The following SRGAP2 variants were observed in gnomAD, a reference collection of about 807,000 sequenced individuals.
The protein encoded by SRGAP2 is SLIT-ROBO Rho GTPase activating protein 2, also known as SLIT-ROBO Rho GTPase-activating protein 2.
A neutral mutation model predicts 57.2 loss-of-function variants in SRGAP2; 15 were observed. The observed-to-expected ratio is 0.26, with a 90% CI of 0.18 to 0.40. The LOEUF (loss-of-function observed/expected upper bound fraction) is 0.40, where lower values mean the gene tolerates loss of function less well. Among genes scored for constraint, SRGAP2 ranks in the 10% least tolerant of loss-of-function variants. SRGAP2 has a pLI of 1.00. For synonymous variants in SRGAP2, 249 were observed against 248.0 expected (o/e 1.00, Z -0.04); for missense variants, 520 against 669.6 (o/e 0.78, Z 2.47).
chr1:206,335,930 T>A (rs1674741337), intron 3 of SRGAP2, among the ~76,000 whole-genome samples: 1 of 152,174 alleles, frequency 6.6e-6, no homozygotes, highest in Admixed American at 6.5e-5. Context: ...TAGCTTAAAT[T>A]TGGGGACCAT....
At position 206,289,300 on chromosome 1, in the gene SRGAP2, T is replaced by C. The variant is rs1671181220; in HGVS notation, c.68-13981T>C. Among the ~76,000 whole-genome samples the C allele has an allele frequency of 2.9e-5, 4 of 138,108 alleles. No individual in the cohort carries two copies. The South Asian group carries it at 6.7e-4, about 23-fold the overall frequency. The allele number at this position is 138,108 out of a possible 152,430, so 90.6% of individuals were successfully genotyped here. ...TTTTTTTTTTTTTTTTGAGACGGAG[T>C]CTCGCTCTGTCGCCCAGGCTGGAGT... On this transcript the variant is annotated intron_variant, in intron 2 of 22. Coordinates refer to ENST00000573034, the MANE Select transcript of SRGAP2 (RefSeq NM_015326.5).
intron 2 of SRGAP2, among the ~76,000 whole-genome samples, chr1:206,240,998 A>G (rs1296957955): frequency 6.6e-6 from 1 of 152,190 alleles, no homozygotes; most frequent in African/African-American, 2.4e-5. Context: ...AGCCTGGGCA[A>G]CATAAGGAGA....
At chr1:206,450,265 T>G in intron 18 of SRGAP2, 121 bp from the exon 19 acceptor site, 2 of 637,086 alleles carry the variant, frequency 3.1e-6, no homozygotes, top group Non-Finnish European at 5.8e-6. Context: ...TTGTGTGCAG[T>G]TAGGATATAG....
At chr1:206,398,509 A>G (rs1553354423) in intron 7 of SRGAP2, among the ~76,000 whole-genome samples, 1 of 152,134 alleles carries the variant, frequency 6.6e-6, no homozygotes, top group East Asian at 1.9e-4. Flanking sequence ...CCCTTTGGCC[A>G]TAGAGTAAGC....
At chr1:206,421,515 A>G (rs994921908) in intron 13 of SRGAP2, among the ~76,000 whole-genome samples, 2 of 152,188 alleles carry the variant, frequency 1.3e-5, no homozygotes, top group African/African-American at 4.8e-5. Flanking sequence ...CTTGCATACT[A>G]GGGGTTTGGT....
At chr1:206,300,346 TG>T (rs1671810458) in intron 2 of SRGAP2, among the ~76,000 whole-genome samples, 1 of 80,744 alleles carries the variant, frequency 1.2e-5, no homozygotes, top group Non-Finnish European at 2.1e-5. Flanking sequence ...TCCAAACTGG[TG>T]TTCTATTTCT....
intron 2 of SRGAP2, among the ~76,000 whole-genome samples, chr1:206,296,584 C>G (rs1671608624): frequency 2.0e-5 from 3 of 152,040 alleles, no homozygotes; most frequent in Non-Finnish European, 4.4e-5. Context: ...CATGCACCAC[C>G]ACCCCCAGCT....
intron 2 of SRGAP2, among the ~76,000 whole-genome samples, chr1:206,248,699 T>A (rs1190249491): frequency 6.6e-6 from 1 of 152,058 alleles, no homozygotes; most frequent in East Asian, 1.9e-4. Context: ...TTTAGTACCG[T>A]TTAGCTTTAT....
chr1:206,360,000 G>C (rs1358884444), intron 4 of SRGAP2, among the ~76,000 whole-genome samples: 2 of 150,884 alleles, frequency 1.3e-5, no homozygotes, highest in African/African-American at 4.9e-5. Flanking sequence ...TAGAGACGGG[G>C]TTTCACCGTT....
At chr1:206,306,948 C>T (rs1450892437) in intron 3 of SRGAP2, among the ~76,000 whole-genome samples, 333 of 151,232 alleles carry the variant, frequency 2.2e-3, no homozygotes, top group African/African-American at 7.3e-3. Context: ...TACAGAGTGT[C>T]GATTGGTGCA....
intron 3 of SRGAP2, among the ~76,000 whole-genome samples, chr1:206,304,511 T>A (rs1672075357): frequency 6.6e-6 from 1 of 151,408 alleles, no homozygotes; most frequent in Non-Finnish European, 1.5e-5. Context: ...TAAAAAAAAT[T>A]GCAAAAAAAC....
intron 3 of SRGAP2, among the ~76,000 whole-genome samples, chr1:206,336,121 T>C (rs1359849810): frequency 8.1e-6 from 1 of 124,206 alleles, no homozygotes; most frequent in Non-Finnish European, 1.7e-5. Flanking sequence ...ATGGAACTAA[T>C]CCAGAGCCAC....
rs966379081 is a variant in SRGAP2, at chr1:206,454,750, G to C, written c.2361-128G>C. 1.2e-5 allele frequency: 7 copies of C among 608,676 alleles called. No homozygotes were observed. Among genetic ancestry groups the C allele is most frequent in the Non-Finnish European group, 2.1e-5 (7 of 340,818 alleles). The allele number at this position is 608,676 out of a possible 1,614,324, so 37.7% of individuals were successfully genotyped here. A position where few individuals can be genotyped will look rare whatever the true frequency, so the allele number is the denominator to read the frequency against. On this transcript the variant is annotated intron_variant, in intron 20 of 22. Coordinates refer to ENST00000573034, the MANE Select transcript of SRGAP2 (RefSeq NM_015326.5). This position sits in a 1 kb window ranked among gnomAD's most constrained non-coding sequence, Gnocchi z 4.3. ...CTGCTCACAGAACTAGTCCAGCCAG[G>C]TGTCGCTGCTGCCTCAGAGCTGTGT...
intron 3 of SRGAP2, among the ~76,000 whole-genome samples, chr1:206,341,780 T>C (rs201997912): frequency 6.6e-6 from 1 of 152,168 alleles, no homozygotes; most frequent in Non-Finnish European, 1.5e-5. Context: ...GGTGGATCAC[T>C]TGAGGTCGGG....
In SRGAP2 at chr1:206,319,323, A is replaced by C. The variant is rs577068727; in HGVS notation, c.260+15850A>C. The stretch of plus-strand genomic sequence containing the variant: ...CTACTCAGGAGGCTGAGGCAGGAGA[A>C]TGGTGTGAACCCAGGAGGCGGAGCT... On this transcript the variant is annotated intron_variant, in intron 3 of 22. Transcript: ENST00000573034. Among the ~76,000 whole-genome samples the C allele has an allele frequency of 2.0e-3, 300 of 150,786 alleles. 3 individuals are homozygous for C. The highest frequency in any genetic ancestry group is 1.9e-3 in the Non-Finnish European group (126 of 67,952).
intron 3 of SRGAP2, among the ~76,000 whole-genome samples, chr1:206,333,096 G>T (rs1249593979): frequency 7.0e-6 from 1 of 142,982 alleles, no homozygotes; most frequent in East Asian, 2.0e-4. Context: ...CCCCTGCTGG[G>T]GGGTGCCTCC....
intron 18 of SRGAP2, among the ~76,000 whole-genome samples, chr1:206,449,885 A>T (rs1031067997): frequency 6.6e-6 from 1 of 152,220 alleles, no homozygotes; most frequent in Non-Finnish European, 1.5e-5. Context: ...ACAGCTGAGG[A>T]TATAGATCTT....
Position 206,390,057 on chromosome 1 carries a change from A to C in SRGAP2, c.487-2632A>C, listed in dbSNP as rs1217783293. 1.7e-3 allele frequency among the ~76,000 whole-genome samples: 231 copies of C among 139,462 alleles called. 1 individual carries two copies. The highest frequency in any genetic ancestry group is 5.6e-3 in the African/African-American group (211 of 37,986). 91.5% of individuals were successfully genotyped at this position (139,462 alleles called of 152,430 possible). A position where few individuals can be genotyped will look rare whatever the true frequency, so the allele number is the denominator to read the frequency against. ...TCTTGACTATAAATATATATTTATA[A>C]ATATATATTTAACATGTATATCTGT... is the stretch of plus-strand genomic sequence containing the variant. On this transcript the variant is annotated intron_variant, in intron 5 of 22. Transcript: ENST00000573034.
intron 13 of SRGAP2, among the ~76,000 whole-genome samples, chr1:206,422,454 A>T (rs556629173): frequency 6.6e-6 from 1 of 152,238 alleles, no homozygotes; most frequent in South Asian, 2.1e-4. Flanking sequence ...TCTTTCTTCC[A>T]TAATTTCATT....
Sources: gnomAD v4.1 joint callset for allele counts (sites outside exome capture counted in the v4.1 genomes callset) on GRCh38, gnomAD v4.1.1 for gene constraint, Gnocchi (gnomAD v3.1) non-coding constraint, MANE v1.5 for transcripts, NCBI Gene and HGNC (gene_info 2026-07-23, HGNC 2026-07-21) for gene names.